DNMT1: variants seen among roughly 807,000 people sequenced by gnomAD.
DNMT1 encodes DNA methyltransferase 1, also known as DNA (cytosine-5)-methyltransferase 1.
Under a neutral mutation model 205.3 loss-of-function variants are expected in DNMT1, and 24 were observed. That is an observed-to-expected ratio of 0.12 (90% CI 0.08 to 0.16). The LOEUF (loss-of-function observed/expected upper bound fraction) is 0.16. Ranked by LOEUF, DNMT1 falls within the 10% of genes least tolerant of loss-of-function variation. DNMT1 has a pLI of 1.00. For missense variants in DNMT1, 1,293 were observed against 2,177.7 expected (o/e 0.59, Z 8.09); for synonymous variants, 817 against 839.8 (o/e 0.97, Z 0.47).
chr19:10,161,907 T>A (rs2038577301), intron 13 of DNMT1, among the ~76,000 whole-genome samples: 1 of 151,550 alleles, frequency 6.6e-6, no homozygotes, highest in Non-Finnish European at 1.5e-5. Flanking sequence ...AATGGTGTGA[T>A]CTCGGCTCAC....
chr19:10,137,477 C>A lies in DNMT1; in HGVS notation c.4294-197G>T, dbSNP rs1486149578. The A allele has an allele frequency of 1.0e-5, 7 of 689,974 alleles. No individual in the cohort carries two copies. Among genetic ancestry groups the A allele is most frequent in the East Asian group, 5.4e-5 (2 of 36,850 alleles). 42.7% of individuals were successfully genotyped at this position (689,974 alleles called of 1,614,324 possible). On this transcript the variant is annotated intron_variant, in intron 36 of 40. Transcript: ENST00000359526. This position sits in a 1 kb window ranked among gnomAD's most constrained non-coding sequence, Gnocchi z 6.4. ...CTGAGGCAGCGCAGGTGTAGGAGAGCGTGGGAATCTAAGCTGAGCCTTTAG... is the reference window on the plus strand; with the variant it reads ...CTGAGGCAGCGCAGGTGTAGGAGAGAGTGGGAATCTAAGCTGAGCCTTTAG...
At chr19:10,190,099 C>A (rs2039270512) in intron 1 of DNMT1, among the ~76,000 whole-genome samples, 2 of 152,118 alleles carry the variant, frequency 1.3e-5, no homozygotes, top group Non-Finnish European at 2.9e-5. Context: ...TCAATTTTGC[C>A]TTATTCAGTA....
intron 2 of DNMT1, 59 bp downstream of exon 2, chr19:10,181,982 G>A (rs1254283235): frequency 1.4e-6 from 2 of 1,461,370 alleles, no homozygotes; most frequent in African/African-American, 2.8e-5. Context: ...TTCTTTTTAT[G>A]AGCCACAAAG....
In DNMT1 at chr19:10,163,316, A is replaced by C. The variant is rs886044170; in HGVS notation, c.926+10T>G. On this transcript the variant is annotated intron_variant, in intron 12 of 40. Coordinates refer to ENST00000359526, the MANE Select transcript of DNMT1 (RefSeq NM_001130823.3). ...GATGACACAAAAGCACAAGCATTTT[A>C]AACACTTACAGATCTTTGGGTTGAC... 5 of 1,613,802 alleles carry C rather than the reference A, an allele frequency of 3.1e-6. No homozygotes were observed. Among genetic ancestry groups the C allele is most frequent in the Non-Finnish European group, 4.2e-6 (5 of 1,179,922 alleles).
chr19:10,136,330 G>T, intron 37 of DNMT1, 43 bp from the exon 38 acceptor site: 2 of 1,609,768 alleles, frequency 1.2e-6, no homozygotes, highest in Non-Finnish European at 1.7e-6. Context: ...GTGGGATGGG[G>T]TATAGGCTTG....
At position 10,146,322 on chromosome 19, in the gene DNMT1, G is replaced by A. The variant is rs768598234; in HGVS notation, c.2894+29C>T. ...AGCCTGGCTCAGCCTGGAGCGCCCTGGCCCCGGCTGCTCCGAGGGGGCACT... is the reference window on the plus strand; with the variant it reads ...AGCCTGGCTCAGCCTGGAGCGCCCTAGCCCCGGCTGCTCCGAGGGGGCACT... On this transcript the variant is annotated intron_variant, in intron 28 of 40. Coordinates refer to ENST00000359526, the MANE Select transcript of DNMT1 (RefSeq NM_001130823.3). This position sits in a 1 kb window ranked among gnomAD's most constrained non-coding sequence, Gnocchi z 4.4. The A allele has an allele frequency of 1.1e-5, 17 of 1,612,740 alleles. No homozygotes were observed. In the Admixed American group the frequency reaches 2.7e-4, roughly 25 times the overall value.
intron 7 of DNMT1, 25 bp downstream of exon 7, chr19:10,175,515 C>G: frequency 6.2e-7 from 1 of 1,613,508 alleles, no homozygotes; most frequent in Non-Finnish European, 8.5e-7. Flanking sequence ...AAGGTAGAGT[C>G]AGGAAATGAA....
rs1337646948 is a variant in DNMT1 at position 10,154,868 on chromosome 19, T to C, written c.1644+37A>G. 39 of 1,614,094 alleles carry C rather than the reference T, an allele frequency of 2.4e-5. No individual in the cohort carries two copies. Among genetic ancestry groups the C allele is most frequent in the Non-Finnish European group, 3.2e-5 (38 of 1,180,040 alleles). ...GCTGGTTCTGAAGGCAAGTTTCCAG[T>C]GGGAATCCCGGATGCTGAGGACCCT... On this transcript the variant is annotated intron_variant, in intron 20 of 40. Transcript: ENST00000359526. This position sits in a 1 kb window ranked among gnomAD's most constrained non-coding sequence, Gnocchi z 6.3.
chr19:10,144,442 T>C, intron 28 of DNMT1: 1 of 255,234 alleles, frequency 3.9e-6, no homozygotes, highest in Non-Finnish European at 7.7e-6. Flanking sequence ...GCTGCAGATT[T>C]AGTCTCACAG....
At chr19:10,171,543 C>T (rs900078593) in intron 9 of DNMT1, among the ~76,000 whole-genome samples, 10 of 152,000 alleles carry the variant, frequency 6.6e-5, no homozygotes, top group African/African-American at 2.4e-4. Flanking sequence ...CGGTGGTTCA[C>T]GCCTGTAATC....
intron 27 of DNMT1, 28 bp downstream of exon 27, chr19:10,148,856 T>G: frequency 6.2e-7 from 1 of 1,614,048 alleles, no homozygotes; most frequent in Non-Finnish European, 8.5e-7. Flanking sequence ...AAGTGCCTGC[T>G]GACCCCGAGT....
intron 11 of DNMT1, 95 bp downstream of exon 11, chr19:10,166,503 G>C (rs1336876885): frequency 6.8e-7 from 1 of 1,472,634 alleles, no homozygotes; most frequent in Non-Finnish European, 9.5e-7. Context: ...GATGGGGCTG[G>C]ACTTGAACCC....
At chr19:10,145,745 C>A (rs564063259) in intron 28 of DNMT1, among the ~76,000 whole-genome samples, 1 of 152,222 alleles carries the variant, frequency 6.6e-6, no homozygotes, top group African/African-American at 2.4e-5. Context: ...CAGTAGGGGA[C>A]GGAGAGGAGG....
chr19:10,181,440 C>A (rs933964993), intron 2 of DNMT1, among the ~76,000 whole-genome samples: 7 of 151,650 alleles, frequency 4.6e-5, no homozygotes, highest in Admixed American at 3.3e-4. Flanking sequence ...CAGAATGAGA[C>A]CCTATCTCAA....
chr19:10,143,962 G>A lies in DNMT1; in HGVS notation c.2920C>T (p.Arg974Cys), dbSNP rs2089651800. 1.2e-6 allele frequency: 2 copies of A among 1,613,968 alleles called. No individual in the cohort carries two copies. Among genetic ancestry groups the A allele is most frequent in the Non-Finnish European group, 1.7e-6 (2 of 1,179,976 alleles). Reference sequence around the variant, plus strand: ...TCATCCACGGGCTCCTTCCGTGGGCGTTTCACGGGACTGGACAGCTTGATG... The same window carrying A: ...TCATCCACGGGCTCCTTCCGTGGGCATTTCACGGGACTGGACAGCTTGATG... The part of the protein sequence containing the change: ...FNIKLSSPVK[R>C]PRKEPVDEDL... The change falls in exon 29 of 41, where the codon CGC (arginine) becomes TGC (cysteine). Residue 974 changes from arginine (R) to cysteine (C), a missense_variant. By Grantham distance (180) the Arg-to-Cys change is radical. Transcript: ENST00000359526.
At chr19:10,135,927 G>A (rs889446216) in intron 38 of DNMT1, 75 bp from the exon 39 acceptor site, 3 of 1,509,820 alleles carry the variant, frequency 2.0e-6, no homozygotes, top group Middle Eastern at 2.3e-4. Context: ...GGAGGGAAAT[G>A]GCACTGTGAC....
In DNMT1 at chr19:10,177,318, G is replaced by C. The variant is rs1455537688; in HGVS notation, c.543C>G (p.Thr181=). The part of the protein sequence containing the change: ...PRITRKSTRQ[T]TITSHFAKGP... The stretch of plus-strand genomic sequence containing the variant: ...CCTTTGCAAAATGAGATGTGATGGT[G>C]GTTTGCCTGGTGCTTTTCCTTGTAA... The change falls in exon 6 of 41, where the codon ACC becomes ACG. Residue 181 remains threonine (T), a synonymous_variant. Coordinates refer to ENST00000359526, the MANE Select transcript of DNMT1 (RefSeq NM_001130823.3). 1.9e-6 allele frequency: 3 copies of C among 1,613,924 alleles called. No individual in the cohort carries two copies. Among genetic ancestry groups the C allele is most frequent in the Admixed American group, 3.3e-5 (2 of 59,966 alleles).
At chr19:10,184,156 C>T (rs556485769) in intron 1 of DNMT1, among the ~76,000 whole-genome samples, 7 of 152,238 alleles carry the variant, frequency 4.6e-5, no homozygotes, top group Admixed American at 3.9e-4. Context: ...GACAACAGCC[C>T]ATAACAAGGT....
chr19:10,149,370 A>G, intron 26 of DNMT1, 83 bp downstream of exon 26: 1 of 1,494,518 alleles, frequency 6.7e-7, no homozygotes, highest in Non-Finnish European at 9.2e-7. Context: ...AAAAAAAAAT[A>G]CAAATCAAAA....
Sources: allele counts gnomAD v4.1 joint callset (sites outside exome capture counted in the v4.1 genomes callset), GRCh38; gene constraint gnomAD v4.1.1; non-coding constraint Gnocchi (gnomAD v3.1); transcripts MANE v1.5; gene names NCBI Gene and HGNC (gene_info 2026-07-23, HGNC 2026-07-21).